The following SAP30BP variants were observed in gnomAD, a reference collection of about 807,000 sequenced individuals.
The protein encoded by SAP30BP is SAP30 binding protein.
A neutral mutation model predicts 46.3 loss-of-function variants in SAP30BP; 31 were observed. The ratio of observed to expected loss-of-function variants is 0.67; its 90% CI spans 0.50 to 0.90. The LOEUF (loss-of-function observed/expected upper bound fraction) is 0.90. SAP30BP is among the 40% of genes least tolerant of loss of function. The pLI, the probability that SAP30BP is intolerant of heterozygous loss-of-function variation, is 0.00. For synonymous variants in SAP30BP, 169 were observed against 144.2 expected (o/e 1.17, Z -1.23); for missense variants, 312 against 391.0 (o/e 0.80, Z 1.70).
intron 3 of SAP30BP, among the ~76,000 whole-genome samples, chr17:75,675,790 G>A (rs533971159): frequency 6.6e-6 from 1 of 152,166 alleles, no homozygotes; most frequent in African/African-American, 2.4e-5. Flanking sequence ...GGCGGCGCAT[G>A]CCTCTAGTCC....
chr17:75,692,178 C>T (rs1394590331), intron 3 of SAP30BP: 1 of 974,590 alleles, frequency 1.0e-6, no homozygotes, highest in Non-Finnish European at 1.2e-6. Context: ...TTGGCCTGTC[C>T]CAGCATCAGG....
Position 75,705,908 on chromosome 17 carries a change from G to C in SAP30BP, c.661-100G>C, listed in dbSNP as rs971916447. 11 of 1,526,146 alleles carry C rather than the reference G, an allele frequency of 7.2e-6. No individual in the cohort carries two copies. In the African/African-American group the frequency reaches 1.5e-4, roughly 21 times the overall value. The allele number at this position is 1,526,146 out of a possible 1,614,324, so 94.5% of individuals were successfully genotyped here. ...AGAGTTCATTTCCAATGCCTCTTTT[G>C]TGTAGTGCCAAGCTCCTGTCCCCCA... On this transcript the variant is annotated intron_variant, in intron 9 of 10. Transcript: ENST00000584667.
chr17:75,699,796 AAGAG>A lies in SAP30BP; in HGVS notation c.322_325del (p.Arg108PhefsTer35). On this transcript the variant is annotated frameshift_variant, in exon 5 of 11. Coordinates refer to ENST00000584667, the MANE Select transcript of SAP30BP (RefSeq NM_013260.8). LOFTEE classifies it high-confidence loss of function. ...TTCTCTCAACAGCCTCCTTTTCTGA[AAGAG>A]TTCGGAACATGTCGCCTGATGAAAT... 6.2e-7 allele frequency: 1 copy of A among 1,612,392 alleles called. No individual in the cohort carries two copies. Among genetic ancestry groups the A allele is most frequent in the Non-Finnish European group, 8.5e-7 (1 of 1,178,518 alleles).
rs1179671641 is a variant in SAP30BP at position 75,707,373 on chromosome 17, AGCCCCTGGGCAGCACCAGTG to A, written c.*856_*875del. 4 of 152,708 alleles carry A rather than the reference AGCCCCTGGGCAGCACCAGTG, an allele frequency of 2.6e-5. No individual in the cohort carries two copies. The highest frequency in any genetic ancestry group is 1.3e-4 in the Admixed American group (2 of 15,290). 9.5% of individuals were successfully genotyped at this position (152,708 alleles called of 1,614,324 possible). ...CTGTGTGTTATCTCTGCCCCACAGC[AGCCCCTGGGCAGCACCAGTG>A]GCCACTGGGCTCCCCCCGGGGTTGA... On this transcript the variant is annotated 3_prime_UTR_variant, in exon 11 of 11. Transcript: ENST00000584667.
chr17:75,702,785 C>T lies in SAP30BP; in HGVS notation c.488+214C>T, dbSNP rs563087936. ...AGAAAAAACACAAAGCAATTCATAC[C>T]GAGACCTAGACGGGGATGAGGGAGA... On this transcript the variant is annotated intron_variant, in intron 6 of 10. Transcript: ENST00000584667. 3.1e-5 allele frequency: 12 copies of T among 392,118 alleles called. No individual in the cohort carries two copies. The South Asian group carries it at 4.7e-4, about 15-fold the overall frequency. 24.3% of individuals were successfully genotyped at this position (392,118 alleles called of 1,614,324 possible). A position where few individuals can be genotyped will look rare whatever the true frequency, so the allele number is the denominator to read the frequency against.
At chr17:75,702,895 C>T in intron 6 of SAP30BP, 1 of 307,994 alleles carries the variant, frequency 3.2e-6, no homozygotes. Flanking sequence ...TTGGACTAGA[C>T]AATTACTGTA....
At chr17:75,691,320 A>G (rs1192564484) in intron 3 of SAP30BP, 1 of 419,138 alleles carries the variant, frequency 2.4e-6, no homozygotes, top group Admixed American at 2.9e-5. Context: ...TGAAGAGCCA[A>G]CCTAAAGGAA....
chr17:75,668,979 A>C (rs536577364), intron 2 of SAP30BP, among the ~76,000 whole-genome samples: 50 of 151,626 alleles, frequency 3.3e-4, no homozygotes, highest in Non-Finnish European at 8.8e-5. Flanking sequence ...TCTACAGTCA[A>C]CTCTGCATTA....
At chr17:75,696,586 C>T (rs1260567969) in intron 4 of SAP30BP, among the ~76,000 whole-genome samples, 1 of 151,320 alleles carries the variant, frequency 6.6e-6, no homozygotes, top group African/African-American at 2.4e-5. Context: ...ATGTGGGGTT[C>T]AAGTCTTCCA....
intron 3 of SAP30BP, among the ~76,000 whole-genome samples, chr17:75,677,234 T>C (rs939839655): frequency 6.7e-6 from 1 of 149,406 alleles, no homozygotes; most frequent in African/African-American, 2.5e-5. Flanking sequence ...GCTTCCTGAG[T>C]AGCTGGGATA....
At chr17:75,691,705 A>C in intron 3 of SAP30BP, 1 of 340,084 alleles carries the variant, frequency 2.9e-6, no homozygotes, top group South Asian at 2.3e-5. Flanking sequence ...TGGGGGCTGG[A>C]GGGAGAGTTA....
chr17:75,678,804 G>A (rs931380417), intron 3 of SAP30BP, among the ~76,000 whole-genome samples: 2 of 152,262 alleles, frequency 1.3e-5, no homozygotes, highest in Admixed American at 6.5e-5. Flanking sequence ...CCGGGGTTGC[G>A]CTCTGGTGTT....
intron 3 of SAP30BP, among the ~76,000 whole-genome samples, chr17:75,676,653 A>G (rs963863203): frequency 6.6e-6 from 1 of 152,228 alleles, no homozygotes; most frequent in Non-Finnish European, 1.5e-5. Flanking sequence ...TGGTGACTCA[A>G]ATAATCACAA....
At chr17:75,682,990 G>C (rs1394793013) in intron 3 of SAP30BP, among the ~76,000 whole-genome samples, 2 of 150,422 alleles carry the variant, frequency 1.3e-5, no homozygotes, top group Admixed American at 1.3e-4. Context: ...GAATTGTATG[G>C]TATAGGAGTT....
chr17:75,672,990 G>A (rs1401895234), intron 3 of SAP30BP, among the ~76,000 whole-genome samples: 2 of 151,712 alleles, frequency 1.3e-5, no homozygotes, highest in African/African-American at 4.8e-5. Flanking sequence ...AAAACTGCTT[G>A]GAAACCAGCT....
chr17:75,674,816 C>T (rs1026319622), intron 3 of SAP30BP, among the ~76,000 whole-genome samples: 1 of 150,512 alleles, frequency 6.6e-6, no homozygotes, highest in Non-Finnish European at 1.5e-5. Context: ...ATCCTCCCAC[C>T]TCAGCCTCCC....
At chr17:75,696,164 G>T (rs1204598454) in intron 4 of SAP30BP, among the ~76,000 whole-genome samples, 1 of 152,170 alleles carries the variant, frequency 6.6e-6, no homozygotes, top group African/African-American at 2.4e-5. Context: ...CCAGGCAGCA[G>T]CCACAGACCC....
intron 4 of SAP30BP, 114 bp from the exon 5 acceptor site, chr17:75,699,669 T>C: frequency 1.4e-6 from 1 of 707,382 alleles, no homozygotes; most frequent in South Asian, 1.6e-5. Flanking sequence ...AGTTGTACTG[T>C]TTTCATAGTG....
At chr17:75,677,590 CCTGA>C (rs1051011645) in intron 3 of SAP30BP, among the ~76,000 whole-genome samples, 12 of 150,122 alleles carry the variant, frequency 8.0e-5, no homozygotes, top group African/African-American at 2.2e-4. Context: ...AACCACCGTG[CCTGA>C]CTAATTTTTG....
Sources: allele counts gnomAD v4.1 joint callset (sites outside exome capture counted in the v4.1 genomes callset), GRCh38; gene constraint gnomAD v4.1.1; transcripts MANE v1.5; gene names NCBI Gene and HGNC (gene_info 2026-07-23, HGNC 2026-07-21).